The following CTIF variants were observed in gnomAD, a reference collection of about 807,000 sequenced individuals.
The protein encoded by CTIF is CBP80/20-dependent translation initiation factor.
In CTIF, 21 loss-of-function variants were observed where a neutral mutation model predicts 66.0. The observed-to-expected ratio is 0.32, with a 90% CI of 0.23 to 0.46. The LOEUF is 0.46. CTIF is among the 20% of genes least tolerant of loss of function. CTIF has a pLI of 1.00. For missense variants in CTIF, 739 were observed against 812.7 expected (o/e 0.91, Z 1.10); for synonymous variants, 345 against 326.4 (o/e 1.06, Z -0.62).
intron 7 of CTIF, among the ~76,000 whole-genome samples, chr18:48,741,091 C>T (rs1008088901): frequency 2.6e-5 from 4 of 152,118 alleles, no homozygotes; most frequent in Non-Finnish European, 4.4e-5. Context: ...TAGAATAGTG[C>T]CTTGGACAGA....
intron 6 of CTIF, among the ~76,000 whole-genome samples, 185 bp downstream of exon 6, chr18:48,670,929 C>G (rs187894443): frequency 1.3e-5 from 2 of 152,128 alleles, no homozygotes; most frequent in African/African-American, 4.8e-5. Flanking sequence ...CCATTGTGAT[C>G]GTGTGTGTGA....
intron 6 of CTIF, among the ~76,000 whole-genome samples, chr18:48,682,136 C>T (rs1010070740): frequency 6.6e-6 from 1 of 152,286 alleles, no homozygotes; most frequent in African/African-American, 2.4e-5. Context: ...CTCTGTGAAG[C>T]CCTCCCTGAT....
At chr18:48,730,616 G>A (rs1182381653) in intron 7 of CTIF, among the ~76,000 whole-genome samples, 3 of 99,854 alleles carry the variant, frequency 3.0e-5, no homozygotes, top group African/African-American at 3.9e-5. Context: ...CTGTGTGAGG[G>A]GCTCCTGCGG....
intron 1 of CTIF, among the ~76,000 whole-genome samples, chr18:48,575,170 G>A (rs996846657): frequency 1.3e-5 from 2 of 152,228 alleles, no homozygotes; most frequent in African/African-American, 2.4e-5. Context: ...AGGTCAGCAC[G>A]TAGGCCTTGA....
intron 6 of CTIF, among the ~76,000 whole-genome samples, chr18:48,679,055 C>A (rs1408679915): frequency 6.6e-6 from 1 of 152,210 alleles, no homozygotes; most frequent in Non-Finnish European, 1.5e-5. Context: ...TGGCTTTTTA[C>A]AGAAAAAGTT....
chr18:48,616,635 G>A (rs138840234), intron 1 of CTIF, among the ~76,000 whole-genome samples: 15 of 152,314 alleles, frequency 9.8e-5, no homozygotes, highest in South Asian at 2.1e-4. Context: ...GGGTTGCTGC[G>A]AAGGTGAAGT....
chr18:48,781,358 T>C (rs1273344236), intron 9 of CTIF, among the ~76,000 whole-genome samples: 2 of 152,104 alleles, frequency 1.3e-5, no homozygotes, highest in Non-Finnish European at 2.9e-5. Flanking sequence ...AGACTCGGCG[T>C]CACAGTCTAG....
intron 10 of CTIF, among the ~76,000 whole-genome samples, chr18:48,845,579 C>T (rs563570557): frequency 3.3e-5 from 5 of 152,288 alleles, no homozygotes; most frequent in East Asian, 1.9e-4. Context: ...GCCGTCTTCT[C>T]TTCTCATTCC....
At position 48,700,792 on chromosome 18, in the gene CTIF, C is replaced by A. The variant is rs9945441; in HGVS notation, c.508-10827C>A. On this transcript the variant is annotated intron_variant, in intron 6 of 11. Coordinates refer to ENST00000256413, the MANE Select transcript of CTIF (RefSeq NM_014772.3). ...GTGACTCCACTCAATTTGCGTGTCC[C>A]TCTTCCCCAGGGCCCATGCCCCTCT... is the stretch of plus-strand genomic sequence containing the variant. Among the ~76,000 whole-genome samples the A allele has an allele frequency of 3.3e-3, 497 of 152,346 alleles. 5 individuals are homozygous for A. The highest frequency in any genetic ancestry group is 0.01 in the African/African-American group (422 of 41,570).
chr18:48,607,190 C>T (rs2090217887), intron 1 of CTIF, among the ~76,000 whole-genome samples: 1 of 152,150 alleles, frequency 6.6e-6, no homozygotes, highest in Non-Finnish European at 1.5e-5. Context: ...TGTCTCTGGG[C>T]CTGGAGGCCA....
intron 7 of CTIF, among the ~76,000 whole-genome samples, chr18:48,739,691 G>C (rs2092537965): frequency 6.6e-6 from 1 of 152,232 alleles, no homozygotes; most frequent in Non-Finnish European, 1.5e-5. Flanking sequence ...GCCCTTGGCG[G>C]GGCCCTTCCC....
At chr18:48,704,320 G>C (rs913781126) in intron 6 of CTIF, among the ~76,000 whole-genome samples, 5 of 150,236 alleles carry the variant, frequency 3.3e-5, no homozygotes, top group Non-Finnish European at 7.4e-5. Context: ...ATAAAAATGG[G>C]CTGGATATAC....
rs558992969 is a variant in CTIF at position 48,649,706 on chromosome 18, C to T, written c.252+13021C>T. On this transcript the variant is annotated intron_variant, in intron 3 of 11. Transcript: ENST00000256413. ...CTGGGAAACACCTCCCAGTAGGGGC[C>T]GACTGACACCTCATACAGGCAGGTG... Among the ~76,000 whole-genome samples, 6 of 152,266 alleles carry T rather than the reference C, an allele frequency of 3.9e-5. No homozygotes were observed. In the East Asian group the frequency reaches 7.7e-4, roughly 20 times the overall value.
intron 1 of CTIF, among the ~76,000 whole-genome samples, chr18:48,593,617 C>T (rs570886224): frequency 4.6e-5 from 7 of 151,948 alleles, no homozygotes; most frequent in African/African-American, 9.6e-5. Flanking sequence ...CTCCTGACCT[C>T]GTGATCCGCC....
chr18:48,707,929 T>A (rs1036021310), intron 6 of CTIF, among the ~76,000 whole-genome samples: 1 of 152,180 alleles, frequency 6.6e-6, no homozygotes, highest in African/African-American at 2.4e-5. Context: ...TCTGCAGATA[T>A]GCCTATTATG....
intron 10 of CTIF, among the ~76,000 whole-genome samples, chr18:48,831,940 C>G (rs1033845019): frequency 6.6e-6 from 1 of 152,142 alleles, no homozygotes; most frequent in East Asian, 1.9e-4. Context: ...GTGGCTATTA[C>G]GCTGGACCAG....
intron 7 of CTIF, among the ~76,000 whole-genome samples, chr18:48,712,488 G>GA (rs1324428057): frequency 6.6e-6 from 1 of 152,218 alleles, no homozygotes; most frequent in Non-Finnish European, 1.5e-5. Context: ...GGGGGAGTTA[G>GA]AGTATATTTT....
At chr18:48,628,269 C>T (rs762927831) in intron 2 of CTIF, among the ~76,000 whole-genome samples, 9 of 152,082 alleles carry the variant, frequency 5.9e-5, no homozygotes, top group Non-Finnish European at 1.0e-4. Flanking sequence ...TCCACCAGTT[C>T]GATGCACATT....
intron 1 of CTIF, among the ~76,000 whole-genome samples, chr18:48,551,004 A>G (rs1348845285): frequency 6.6e-6 from 1 of 151,808 alleles, no homozygotes; most frequent in Non-Finnish European, 1.5e-5. Context: ...TCTGGGCTGA[A>G]TTGTGTCCTC....
Sources: allele counts gnomAD v4.1 joint callset (sites outside exome capture counted in the v4.1 genomes callset), GRCh38; gene constraint gnomAD v4.1.1; transcripts MANE v1.5; gene names NCBI Gene and HGNC (gene_info 2026-07-23, HGNC 2026-07-21).